CEP63: variants seen among roughly 807,000 people sequenced by gnomAD.
CEP63 encodes the protein centrosomal protein 63.
A neutral mutation model predicts 89.1 loss-of-function variants in CEP63; 84 were observed. That is an observed-to-expected ratio of 0.94 (90% CI 0.79 to 1.13). The LOEUF (loss-of-function observed/expected upper bound fraction) is 1.13. Ranked by LOEUF, CEP63 falls within the 50% of genes most tolerant of loss-of-function variation. The pLI, the probability that CEP63 is intolerant of heterozygous loss-of-function variation, is 0.00. For missense variants in CEP63, 838 were observed against 813.3 expected (o/e 1.03, Z -0.37); for synonymous variants, 267 against 272.5 (o/e 0.98, Z 0.20).
At chr3:134,595,541 A>G in the CEP63 span, among the ~76,000 whole-genome samples, 1 of 152,260 alleles carries the variant, frequency 6.6e-6, no homozygotes, top group African/African-American at 2.4e-5. Context: ...TCCATTGTCT[A>G]TGGATCACTA....
At position 134,557,376 on chromosome 3, in the gene CEP63, G is replaced by GTTTTTTTTTTTTTTTT. The variant is rs199930556; in HGVS notation, c.1468-753_1468-738dup. Among the ~76,000 whole-genome samples the GTTTTTTTTTTTTTTTT allele has an allele frequency of 1.5e-4, 15 of 101,494 alleles. 3 individuals carry two copies. The highest frequency in any genetic ancestry group is 5.9e-4 in the African/African-American group (12 of 20,314). The allele number at this position is 101,494 out of a possible 152,430, so 66.6% of individuals were successfully genotyped here. A position where few individuals can be genotyped will look rare whatever the true frequency, so the allele number is the denominator to read the frequency against. On this transcript the variant is annotated intron_variant, in intron 12 of 14. Transcript: ENST00000675561. ...CTTGACCAGCTTACTTTCATAATTT[G>GTTTTTTTTTTTTTTTT]TTTTTTTTTTTTTTTTTTTTTTTTT... is the stretch of plus-strand genomic sequence containing the variant.
chr3:134,602,978 A>C, the CEP63 span, among the ~76,000 whole-genome samples: 4 of 152,224 alleles, frequency 2.6e-5, no homozygotes, highest in Admixed American at 2.0e-4. Flanking sequence ...CTTCCTCACC[A>C]CACCCTTTTT....
the CEP63 span, chr3:134,629,528 C>A: frequency 1.1e-6 from 1 of 928,868 alleles, no homozygotes; most frequent in South Asian, 1.4e-5. Context: ...CTTCTCCTTC[C>A]CTCAGAAGAT....
downstream of CEP63, among the ~76,000 whole-genome samples, chr3:134,589,096 T>C (rs754143417): frequency 3.9e-5 from 6 of 152,226 alleles, no homozygotes; most frequent in Admixed American, 6.5e-5. Context: ...CAGGCTCAGA[T>C]GGCTTCATCA....
the CEP63 span, among the ~76,000 whole-genome samples, chr3:134,781,838 A>C: frequency 2.6e-5 from 4 of 152,106 alleles, no homozygotes; most frequent in South Asian, 8.3e-4. Context: ...TCTGTGGCCT[A>C]ATGTAGCTTT....
At chr3:134,609,163 C>T in the CEP63 span, among the ~76,000 whole-genome samples, 32 of 152,322 alleles carry the variant, frequency 2.1e-4, no homozygotes, top group African/African-American at 6.7e-4. Context: ...CTGTGGACCA[C>T]GCAGTGGGGT....
the CEP63 span, among the ~76,000 whole-genome samples, chr3:134,657,927 C>T: frequency 1.2e-4 from 18 of 152,206 alleles, no homozygotes; most frequent in Non-Finnish European, 2.2e-4. Context: ...GATGAAGTCT[C>T]GTTCTGTCAC....
the CEP63 span, among the ~76,000 whole-genome samples, chr3:134,675,067 A>G: frequency 6.6e-6 from 1 of 152,240 alleles, no homozygotes; most frequent in Non-Finnish European, 1.5e-5. Flanking sequence ...TGGAAATGTA[A>G]GGGACCCAGA....
the CEP63 span, among the ~76,000 whole-genome samples, chr3:134,670,226 G>C: frequency 6.6e-6 from 1 of 152,168 alleles, no homozygotes; most frequent in Non-Finnish European, 1.5e-5. Context: ...GAGGCTCTCT[G>C]AGCTATTTTC....
chr3:134,669,199 T>A, the CEP63 span, among the ~76,000 whole-genome samples: 4 of 151,302 alleles, frequency 2.6e-5, no homozygotes, highest in Non-Finnish European at 5.9e-5. Flanking sequence ...CTTAATTTTT[T>A]AAATGTTTTT....
intron 6 of CEP63, among the ~76,000 whole-genome samples, chr3:134,539,724 T>C (rs1431003405): frequency 2.0e-5 from 3 of 152,224 alleles, no homozygotes; most frequent in East Asian, 1.9e-4. Context: ...TTTTTTCTTA[T>C]ATGTTTTTAA....
chr3:134,516,380 C>T (rs1219060130), intron 3 of CEP63, among the ~76,000 whole-genome samples: 2 of 152,216 alleles, frequency 1.3e-5, no homozygotes, highest in Non-Finnish European at 2.9e-5. Flanking sequence ...CCGAGACATT[C>T]CATTGTCCAG....
the CEP63 span, chr3:134,601,043 G>A: frequency 6.6e-6 from 1 of 152,210 alleles, no homozygotes; most frequent in Non-Finnish European, 1.5e-5. Flanking sequence ...CCATTCCGCC[G>A]GCGACTGGGA....
intron 2 of CEP63, among the ~76,000 whole-genome samples, chr3:134,503,840 G>GTTTCCATTTGTGTAGGATTTTT (rs141445032): frequency 6.6e-6 from 1 of 151,230 alleles, no homozygotes; most frequent in African/African-American, 2.4e-5. Flanking sequence ...CATGTTTTTG[G>GTTTCCATTTGTGTAGGATTTTT]TTTCCCATCT....
chr3:134,586,442 T>C (rs1313742900), intron 10 of CEP63, among the ~76,000 whole-genome samples: 1 of 152,166 alleles, frequency 6.6e-6, no homozygotes, highest in East Asian at 1.9e-4. Flanking sequence ...TATTTCTCCT[T>C]CACTTATGAA....
chr3:134,588,466 T>C (rs148071314), downstream of CEP63, among the ~76,000 whole-genome samples: 253 of 152,274 alleles, frequency 1.7e-3, 1 homozygote, highest in African/African-American at 5.8e-3. Context: ...AATTAGGCAA[T>C]ACACTTGTAA....
the CEP63 span, among the ~76,000 whole-genome samples, chr3:134,714,399 G>C: frequency 6.6e-6 from 1 of 152,166 alleles, no homozygotes; most frequent in Non-Finnish European, 1.5e-5. Flanking sequence ...CCATCACTCA[G>C]CTTCAACATG....
chr3:134,746,054 A>G, the CEP63 span, among the ~76,000 whole-genome samples: 2 of 144,206 alleles, frequency 1.4e-5, no homozygotes, highest in African/African-American at 2.5e-5. Context: ...TCCTAATGCT[A>G]TCCCTCCTCC....
intron 3 of CEP63, among the ~76,000 whole-genome samples, chr3:134,515,228 TAAAA>T (rs1160491419): frequency 6.6e-6 from 1 of 151,850 alleles, no homozygotes; most frequent in South Asian, 2.1e-4. Flanking sequence ...AATGGAATGA[TAAAA>T]AAAGTAATCA....
Sources: allele counts gnomAD v4.1 joint callset (sites outside exome capture counted in the v4.1 genomes callset), GRCh38; gene constraint gnomAD v4.1.1; transcripts MANE v1.5; gene names NCBI Gene and HGNC (gene_info 2026-07-23, HGNC 2026-07-21).